Variants in NEU3 observed in about 807,000 individuals in gnomAD.
NEU3 encodes the protein neuraminidase 3, also known as sialidase-3.
Under a neutral mutation model 11.4 loss-of-function variants are expected in NEU3, and 10 were observed. The observed-to-expected ratio is 0.88, with a 90% CI of 0.54 to 1.49. The LOEUF (loss-of-function observed/expected upper bound fraction) is 1.49, where lower values mean the gene tolerates loss of function less well. Among genes scored for constraint, NEU3 ranks in the 40% most tolerant of loss-of-function variants. The pLI is 0.00. For missense variants in NEU3, 529 were observed against 581.8 expected (o/e 0.91, Z 0.93); for synonymous variants, 212 against 228.2 (o/e 0.93, Z 0.64).
intron 2 of NEU3, among the ~76,000 whole-genome samples, chr11:75,002,413 TA>T (rs912961059): frequency 3.3e-5 from 5 of 152,088 alleles, no homozygotes; most frequent in African/African-American, 7.2e-5. Flanking sequence ...AGCTGAAAAA[TA>T]AAAAAAGTAT....
rs1447800315 is a variant in NEU3 at position 75,007,169 on chromosome 11, G to A, written c.*677G>A. On this transcript the variant is annotated 3_prime_UTR_variant, in exon 3 of 3. Coordinates refer to ENST00000294064, the MANE Select transcript of NEU3 (RefSeq NM_006656.6). ...CATCCAGAAAGCATCATTTTCTAGG[G>A]AGAACAATGAGAATCTCAATGCCAG... The A allele has an allele frequency of 6.6e-6, 1 of 152,206 alleles. No individual in the cohort carries two copies. The highest frequency in any genetic ancestry group is 1.5e-5 in the Non-Finnish European group (1 of 68,086). 9.4% of individuals were successfully genotyped at this position (152,206 alleles called of 1,614,324 possible).
Position 74,994,593 on chromosome 11 carries a change from C to T in NEU3, c.179C>T (p.Pro60Leu). The change falls in exon 2 of 3, where the codon CCA becomes CTA. Residue 60 changes from proline to leucine, a missense_variant. Physicochemically the swap from Pro to Leu is moderately conservative, Grantham distance 98. Coordinates refer to ENST00000294064, the MANE Select transcript of NEU3 (RefSeq NM_006656.6). Reference sequence around the variant, plus strand: ...GACAGAGGGATTACCTACCGGATCCCAGCCCTGCTCTACATACCCCCCACC... The same window carrying T: ...GACAGAGGGATTACCTACCGGATCCTAGCCCTGCTCTACATACCCCCCACC... ...EDDRGITYRIPALLYIPPTHT... is the reference protein window; with the variant it reads ...EDDRGITYRILALLYIPPTHT... 1.2e-6 allele frequency: 2 copies of T among 1,613,984 alleles called. No individual in the cohort carries two copies. The highest frequency in any genetic ancestry group is 1.7e-6 in the Non-Finnish European group (2 of 1,179,868).
chr11:74,987,312 G>C (rs1948675171), upstream of NEU3, among the ~76,000 whole-genome samples: 1 of 152,066 alleles, frequency 6.6e-6, no homozygotes, highest in African/African-American at 2.4e-5. Flanking sequence ...TGTTCTTTTT[G>C]ATGTTCTAAT....
chr11:75,005,885 A>AAGTGGC lies in NEU3; in HGVS notation c.782_787dup (p.Val261_Ala262dup), dbSNP rs1405676011. The AAGTGGC allele has an allele frequency of 6.2e-7, 1 of 1,613,746 alleles. No individual in the cohort carries two copies. Among genetic ancestry groups the AAGTGGC allele is most frequent in the South Asian group, 1.1e-5 (1 of 91,078 alleles). Reference sequence around the variant, plus strand: ...AGGCCCATGGTTACAGTAGAATGTGAAGTGGCAGAGGTGACTGGGAGGGCT... The same window carrying AAGTGGC: ...AGGCCCATGGTTACAGTAGAATGTGAAGTGGCAGTGGCAGAGGTGACTGGGAGGGCT... On this transcript the variant is annotated inframe_insertion, in exon 3 of 3. Coordinates refer to ENST00000294064, the MANE Select transcript of NEU3 (RefSeq NM_006656.6).
At position 75,006,350 on chromosome 11, in the gene NEU3, T is replaced by C. The variant is rs761936903; in HGVS notation, c.1244T>C (p.Phe415Ser). The change falls in exon 3 of 3, where the codon TTT becomes TCT. Residue 415 changes from phenylalanine to serine, a missense_variant. Phe to Ser is a radical substitution (Grantham distance 155, BLOSUM62 -2). Transcript: ENST00000294064. ...GCTGCTCTGGAGGAGGAGGGCTTGT[T>C]TGGGTGTTTGTTTGAATGTGGGACC... Reference protein sequence around the residue: ...DLAALEEEGLFGCLFECGTKQ... With the variant: ...DLAALEEEGLSGCLFECGTKQ... The C allele has an allele frequency of 2.9e-5, 46 of 1,613,726 alleles. No individual in the cohort carries two copies. Among genetic ancestry groups the C allele is most frequent in the Non-Finnish European group, 3.8e-5 (45 of 1,179,866 alleles).
At chr11:74,994,885 T>C (rs1948772664) in intron 2 of NEU3, 165 bp downstream of exon 2, 2 of 722,766 alleles carry the variant, frequency 2.8e-6, no homozygotes, top group Non-Finnish European at 5.0e-6. Context: ...GCTTATTGTG[T>C]GCCAGGGGCA....
Position 74,989,073 on chromosome 11 carries a change from G to T in NEU3, c.13G>T (p.Asp5Tyr), listed in dbSNP as rs1378188959. The T allele has an allele frequency of 3.2e-6, 5 of 1,550,554 alleles. No individual in the cohort carries two copies. In the South Asian group the frequency reaches 3.6e-5, roughly 11 times the overall value. The part of the protein sequence containing the change: MRPA[D>Y]LPPRPMEESP... Reference sequence around the variant, plus strand: ...CGGGCTTCGGCGAATGAGACCTGCGGACCTGCCCCCGCGCCCCATGGAAGA... The same window carrying T: ...CGGGCTTCGGCGAATGAGACCTGCGTACCTGCCCCCGCGCCCCATGGAAGA... Residue 5 changes from aspartate to tyrosine, a missense_variant, in exon 1 of 3, where the codon GAC (aspartate) becomes TAC (tyrosine). By Grantham distance (160) the Asp-to-Tyr change is radical (BLOSUM62 -3). Coordinates refer to ENST00000294064, the MANE Select transcript of NEU3 (RefSeq NM_006656.6).
At chr11:74,985,952 C>G (rs140207212), upstream of NEU3, among the ~76,000 whole-genome samples, 1 of 152,126 alleles carries the variant, frequency 6.6e-6, no homozygotes, top group Non-Finnish European at 1.5e-5. Flanking sequence ...AGTCAACTAC[C>G]CTTTTCAGTT....
Position 75,009,613 on chromosome 11 carries a change from G to A in NEU3, c.*3121G>A, listed in dbSNP as rs1439677. On this transcript the variant is annotated 3_prime_UTR_variant, in exon 3 of 3. Coordinates refer to ENST00000294064, the MANE Select transcript of NEU3 (RefSeq NM_006656.6). ...CTATAATCTACAGGCATGTAGAGAG[G>A]ACTACATAGGCCTCTGTTCTTTGCC... is the stretch of plus-strand genomic sequence containing the variant. 4 of 152,272 alleles carry A rather than the reference G, an allele frequency of 2.6e-5. No homozygotes were observed. Among genetic ancestry groups the A allele is most frequent in the Admixed American group, 2.0e-4 (3 of 15,284 alleles). The allele number at this position is 152,272 out of a possible 1,614,324, so 9.4% of individuals were successfully genotyped here. A position where few individuals can be genotyped will look rare whatever the true frequency, so the allele number is the denominator to read the frequency against.
Position 75,006,359 on chromosome 11 carries a change from T to C in NEU3, c.1253T>C (p.Leu418Ser). The change falls in exon 3 of 3, where the codon TTG becomes TCG. Residue 418 changes from leucine to serine, a missense_variant. By Grantham distance (145) the Leu-to-Ser change is moderately radical (BLOSUM62 -2). Transcript: ENST00000294064. ...ALEEEGLFGC[L>S]FECGTKQECE... ...GAGGAGGAGGGCTTGTTTGGGTGTTTGTTTGAATGTGGGACCAAGCAAGAG... is the reference window on the plus strand; with the variant it reads ...GAGGAGGAGGGCTTGTTTGGGTGTTCGTTTGAATGTGGGACCAAGCAAGAG... 3.7e-6 allele frequency: 6 copies of C among 1,613,974 alleles called. No homozygotes were observed. Among genetic ancestry groups the C allele is most frequent in the Non-Finnish European group, 5.1e-6 (6 of 1,179,888 alleles).
intron 1 of NEU3, among the ~76,000 whole-genome samples, chr11:74,992,780 T>C (rs1460635677): frequency 2.6e-5 from 4 of 152,000 alleles, no homozygotes; most frequent in African/African-American, 9.7e-5. Context: ...GCCAACATGG[T>C]GAAACCCGTC....
chr11:75,000,306 AG>A (rs1948829625), intron 2 of NEU3, among the ~76,000 whole-genome samples: 1 of 152,190 alleles, frequency 6.6e-6, no homozygotes, highest in Non-Finnish European at 1.5e-5. Flanking sequence ...CAGTAGTGCC[AG>A]GTATATTCAA....
chr11:74,987,885 CCTTTTTTTTTTT>C (rs1176726360), upstream of NEU3, among the ~76,000 whole-genome samples: 5 of 97,992 alleles, frequency 5.1e-5, no homozygotes, highest in East Asian at 2.7e-4. Flanking sequence ...TGGTTCTAGG[CCTTTTTTTTTTT>C]CTTTTTTTTT....
At position 75,005,708 on chromosome 11, in the gene NEU3, A is replaced by G. The variant is rs1199981836; in HGVS notation, c.602A>G (p.Gln201Arg). 1 of 1,614,014 alleles carries G rather than the reference A, an allele frequency of 6.2e-7. No individual in the cohort carries two copies. The highest frequency in any genetic ancestry group is 1.7e-5 in the Admixed American group (1 of 60,024). ...GCTGTGGGCCCAGGTCATGGCATCC[A>G]GCTGCAGTCAGGGAGACTGGTCATC... is the stretch of plus-strand genomic sequence containing the variant. ...TFAVGPGHGI[Q>R]LQSGRLVIPA... The change falls in exon 3 of 3, where the codon CAG (glutamine) becomes CGG (arginine). Residue 201 changes from glutamine to arginine, a missense_variant. By Grantham distance (43) the Gln-to-Arg change is conservative. Coordinates refer to ENST00000294064, the MANE Select transcript of NEU3 (RefSeq NM_006656.6).
At chr11:75,020,386 G>A (rs1310020720), downstream of NEU3, among the ~76,000 whole-genome samples, 1 of 152,142 alleles carries the variant, frequency 6.6e-6, no homozygotes, top group Non-Finnish European at 1.5e-5. Flanking sequence ...GATATGATTT[G>A]GCTGTTCCAC....
At chr11:74,988,200 C>T (rs1006203816), upstream of NEU3, 6 of 152,160 alleles carry the variant, frequency 3.9e-5, no homozygotes, top group East Asian at 1.9e-4. Flanking sequence ...GACAGGGTCT[C>T]GCTCTGTCAC....
intron 1 of NEU3, among the ~76,000 whole-genome samples, chr11:74,994,243 C>T (rs1464458714): frequency 2.6e-5 from 4 of 152,140 alleles, no homozygotes; most frequent in Admixed American, 1.3e-4. Context: ...AATGCAAAAC[C>T]GCTCTGCTCC....
At chr11:74,993,203 T>A (rs1171529299) in intron 1 of NEU3, among the ~76,000 whole-genome samples, 9 of 151,950 alleles carry the variant, frequency 5.9e-5, no homozygotes, top group Non-Finnish European at 4.4e-5. Flanking sequence ...GTTGTTGGTG[T>A]TTTTTTGTTT....
At chr11:74,985,405 A>G (rs1591746634), upstream of NEU3, among the ~76,000 whole-genome samples, 1 of 152,190 alleles carries the variant, frequency 6.6e-6, no homozygotes, top group East Asian at 1.9e-4. Context: ...TTCTTCATAC[A>G]TATGTGTCCA....
Sources: allele counts gnomAD v4.1 joint callset (sites outside exome capture counted in the v4.1 genomes callset), GRCh38; gene constraint gnomAD v4.1.1; transcripts MANE v1.5; gene names NCBI Gene and HGNC (gene_info 2026-07-23, HGNC 2026-07-21).